IQCH: variants seen among roughly 807,000 people sequenced by gnomAD.
IQCH encodes the protein IQ domain-containing protein H.
A neutral mutation model predicts 117.0 loss-of-function variants in IQCH; 98 were observed. The observed-to-expected ratio is 0.84, with a 90% CI of 0.71 to 0.99. The LOEUF (loss-of-function observed/expected upper bound fraction) is 0.99. Among genes scored for constraint, IQCH ranks in the 50% least tolerant of loss-of-function variants. IQCH has a pLI of 0.00. For synonymous variants in IQCH, 412 were observed against 448.2 expected (o/e 0.92, Z 1.02); for missense variants, 1,102 against 1,243.8 (o/e 0.89, Z 1.72).
rs1030221344 is a variant in IQCH at position 67,413,361 on chromosome 15, C to T, written c.2098-3570C>T. 5.9e-5 allele frequency: 9 copies of T among 152,142 alleles called. No individual in the cohort carries two copies. Among genetic ancestry groups the T allele is most frequent in the Non-Finnish European group, 1.0e-4 (7 of 68,052 alleles). 9.4% of individuals were successfully genotyped at this position (152,142 alleles called of 1,614,324 possible). A position where few individuals can be genotyped will look rare whatever the true frequency, so the allele number is the denominator to read the frequency against. On this transcript the variant is annotated intron_variant, in intron 14 of 20. Coordinates refer to ENST00000335894, the MANE Select transcript of IQCH (RefSeq NM_001031715.3). The surrounding 1 kb of genome is among the most constrained non-coding windows in gnomAD (Gnocchi z 5.0). ...CACTGCTGCGATGGAGTCCTTTGCTCCTGGATTTGAGCTCTGGCCTAACCC... is the reference window on the plus strand; with the variant it reads ...CACTGCTGCGATGGAGTCCTTTGCTTCTGGATTTGAGCTCTGGCCTAACCC...
intron 14 of IQCH, among the ~76,000 whole-genome samples, chr15:67,409,991 C>T (rs1028646699): frequency 1.3e-4 from 20 of 152,124 alleles, no homozygotes; most frequent in Non-Finnish European, 2.4e-4. Context: ...TTCATTTTTT[C>T]TTCATCCTCT....
At position 67,430,617 on chromosome 15, in the gene IQCH, T is replaced by C. The variant is rs1456055199; in HGVS notation, c.2505+9040T>C. Among the ~76,000 whole-genome samples the C allele has an allele frequency of 2.0e-5, 3 of 152,240 alleles. No individual in the cohort carries two copies. The highest frequency in any genetic ancestry group is 4.8e-5 in the African/African-American group (2 of 41,466). ...ATAATGTCTAACACAATGATGGTCA[T>C]ATTTGGCCAGCCACCTGATTATTAT... On this transcript the variant is annotated intron_variant, in intron 16 of 20. Transcript: ENST00000335894. The surrounding 1 kb of genome is among the most constrained non-coding windows in gnomAD (Gnocchi z 5.1).
intron 4 of IQCH, among the ~76,000 whole-genome samples, chr15:67,283,346 G>C (rs1341273107): frequency 6.6e-6 from 1 of 152,054 alleles, no homozygotes; most frequent in Non-Finnish European, 1.5e-5. Flanking sequence ...GTTTGTGTTG[G>C]TTATGAATTT....
At chr15:67,486,379 C>G (rs763787455) in intron 18 of IQCH, among the ~76,000 whole-genome samples, 7 of 151,894 alleles carry the variant, frequency 4.6e-5, no homozygotes, top group South Asian at 2.1e-4. Context: ...ACAATGGGAA[C>G]ATAATTTTAA....
intron 4 of IQCH, among the ~76,000 whole-genome samples, chr15:67,301,417 T>G (rs1035237055): frequency 3.9e-5 from 5 of 129,868 alleles, no homozygotes; most frequent in African/African-American, 5.6e-5. Flanking sequence ...TTTTTTTTTT[T>G]TTTTTTTTTT....
At chr15:67,485,911 C>G (rs577525620) in intron 18 of IQCH, among the ~76,000 whole-genome samples, 1 of 152,040 alleles carries the variant, frequency 6.6e-6, no homozygotes, top group African/African-American at 2.4e-5. Context: ...CCCGCCTCAG[C>G]CTCCCAAAGT....
chr15:67,304,101 G>A (rs1967183966), intron 4 of IQCH, among the ~76,000 whole-genome samples: 2 of 152,142 alleles, frequency 1.3e-5, no homozygotes, highest in Non-Finnish European at 2.9e-5. Context: ...AAATGTGTCT[G>A]AGGATGTATT....
At chr15:67,448,296 C>T (rs1361038941) in intron 16 of IQCH, among the ~76,000 whole-genome samples, 1 of 151,902 alleles carries the variant, frequency 6.6e-6, no homozygotes, top group African/African-American at 2.4e-5. Flanking sequence ...CATATGTATA[C>T]ATGTGCCATG....
chr15:67,482,383 T>C (rs1246172062), intron 18 of IQCH, among the ~76,000 whole-genome samples: 1 of 152,234 alleles, frequency 6.6e-6, no homozygotes, highest in Non-Finnish European at 1.5e-5. Flanking sequence ...TAGTGAGGAC[T>C]GAATAGATAA....
chr15:67,477,062 T>G (rs796165173), intron 18 of IQCH, among the ~76,000 whole-genome samples: 255 of 141,382 alleles, frequency 1.8e-3, no homozygotes, highest in African/African-American at 6.3e-3. Flanking sequence ...TTTTTTTTTT[T>G]TTTTTTTGAG....
Position 67,400,096 on chromosome 15 carries a change from G to C in IQCH, c.1906-18G>C. On this transcript the variant is annotated intron_variant, in intron 13 of 20. Coordinates refer to ENST00000335894, the MANE Select transcript of IQCH (RefSeq NM_001031715.3). ...GAAATGAACTGTATTAAATGCAGCTGTGTCTTTGGCCTCACAGATGATAGA... is the reference window on the plus strand; with the variant it reads ...GAAATGAACTGTATTAAATGCAGCTCTGTCTTTGGCCTCACAGATGATAGA... 1.2e-6 allele frequency: 2 copies of C among 1,608,180 alleles called. No homozygotes were observed. Among genetic ancestry groups the C allele is most frequent in the Non-Finnish European group, 1.7e-6 (2 of 1,175,318 alleles).
intron 4 of IQCH, among the ~76,000 whole-genome samples, chr15:67,322,331 T>A (rs1356001659): frequency 6.6e-6 from 1 of 152,222 alleles, no homozygotes; most frequent in Non-Finnish European, 1.5e-5. Context: ...ACTGTTTGCA[T>A]GGTATATCAG....
chr15:67,255,529 A>G (rs1427526488), intron 1 of IQCH, among the ~76,000 whole-genome samples: 4 of 152,252 alleles, frequency 2.6e-5, no homozygotes, highest in Non-Finnish European at 5.9e-5. Context: ...ATACAGCTCA[A>G]TTTGTAATAG....
In IQCH at chr15:67,263,229, G is replaced by T. The variant is rs545131987; in HGVS notation, c.269+13G>T. 1.3e-5 allele frequency: 16 copies of T among 1,207,064 alleles called. No individual in the cohort carries two copies. The East Asian group carries it at 3.3e-4, about 25-fold the overall frequency. The allele number at this position is 1,207,064 out of a possible 1,614,324, so 74.8% of individuals were successfully genotyped here. On this transcript the variant is annotated intron_variant, in intron 3 of 20. Coordinates refer to ENST00000335894, the MANE Select transcript of IQCH (RefSeq NM_001031715.3). ...AGGCTTCCAAATGGTAAGTAAAATA[G>T]CCATTTAGAGCCCAAAGTAAATAAA... is the stretch of plus-strand genomic sequence containing the variant.
chr15:67,419,685 C>G (rs2081675075), intron 15 of IQCH, among the ~76,000 whole-genome samples: 1 of 152,202 alleles, frequency 6.6e-6, no homozygotes, highest in Non-Finnish European at 1.5e-5. Context: ...TTCTGAGTAG[C>G]TGGTACTACA....
At position 67,384,128 on chromosome 15, in the gene IQCH, G is replaced by GA. The variant is rs897198661; in HGVS notation, c.1373-799dup. ...AAATGTGAAAAGCAATTTTAATGAA[G>GA]AAAAAAAAAGTTACACCTACAGTTG... On this transcript the variant is annotated intron_variant, in intron 10 of 20. Transcript: ENST00000335894. This position sits in a 1 kb window ranked among gnomAD's most constrained non-coding sequence, Gnocchi z 4.3. Among the ~76,000 whole-genome samples the GA allele has an allele frequency of 6.6e-6, 1 of 151,058 alleles. No homozygotes were observed. The highest frequency in any genetic ancestry group is 2.4e-5 in the African/African-American group (1 of 41,132).
chr15:67,450,006 T>C lies in IQCH; in HGVS notation c.2506-15121T>C, dbSNP rs1596401136. 2.0e-5 allele frequency among the ~76,000 whole-genome samples: 3 copies of C among 152,220 alleles called. No homozygotes were observed. In the East Asian group the frequency reaches 5.8e-4, roughly 29 times the overall value. On this transcript the variant is annotated intron_variant, in intron 16 of 20. Transcript: ENST00000335894. ...GAAGCAATTGTGAATGGGAGTTTAC[T>C]CATGATTTGCCTCTCTGTTTGTCTG...
chr15:67,409,451 A>G (rs2081388377), intron 14 of IQCH, among the ~76,000 whole-genome samples: 1 of 152,186 alleles, frequency 6.6e-6, no homozygotes, highest in African/African-American at 2.4e-5. Context: ...GGGGCAAAGC[A>G]GTTGTGCTGA....
In IQCH at chr15:67,281,253, A is replaced by C. The variant is rs572477819; in HGVS notation, c.387+1741A>C. Among the ~76,000 whole-genome samples, 15 of 152,328 alleles carry C rather than the reference A, an allele frequency of 9.8e-5. No homozygotes were observed. The South Asian group carries it at 1.0e-3, about 11-fold the overall frequency. ...ATATTATGCCTAGGGTGTGGGCCAT[A>C]GGCTCTTGACCTCCTAAAAGTTTGC... On this transcript the variant is annotated intron_variant, in intron 4 of 20. Transcript: ENST00000335894.
Sources: allele counts gnomAD v4.1 joint callset (sites outside exome capture counted in the v4.1 genomes callset), GRCh38; gene constraint gnomAD v4.1.1; non-coding constraint Gnocchi (gnomAD v3.1); transcripts MANE v1.5; gene names NCBI Gene and HGNC (gene_info 2026-07-23, HGNC 2026-07-21).